Variants in COX7B2 observed in about 807,000 individuals in gnomAD.
COX7B2 encodes the protein cytochrome c oxidase subunit 7B2, mitochondrial.
For missense variants in COX7B2, 109 were observed against 95.9 expected, an observed-to-expected ratio of 1.14 and a Z score of -0.57; for synonymous variants, 37 against 32.1, an observed-to-expected ratio of 1.15 and a Z score of -0.51.
intron 2 of COX7B2, among the ~76,000 whole-genome samples, chr4:46,815,330 T>G (rs1440731909): frequency 1.3e-5 from 2 of 152,240 alleles, no homozygotes; most frequent in Non-Finnish European, 2.9e-5. Flanking sequence ...TGAACAAAAC[T>G]ATAGGTTCAA....
At chr4:46,795,141 T>C (rs1200145063) in intron 2 of COX7B2, among the ~76,000 whole-genome samples, 2 of 133,134 alleles carry the variant, frequency 1.5e-5, no homozygotes, top group Non-Finnish European at 3.1e-5. Flanking sequence ...TTCTCCCATG[T>C]TGTAGGTTGC....
At chr4:46,880,016 C>T (rs911827179) in intron 1 of COX7B2, among the ~76,000 whole-genome samples, 2 of 152,100 alleles carry the variant, frequency 1.3e-5, no homozygotes, top group Non-Finnish European at 2.9e-5. Context: ...TGAGAGAGGG[C>T]ATCCTTGCCT....
chr4:46,895,975 A>G (rs554724452), intron 1 of COX7B2, among the ~76,000 whole-genome samples: 8 of 152,300 alleles, frequency 5.3e-5, no homozygotes, highest in African/African-American at 1.9e-4. Context: ...CTTCTTGAGA[A>G]TAAGTAAATT....
Position 46,735,206 on chromosome 4 carries a change from T to C in COX7B2, c.-14A>G. ...GGGAAACATCATGAAGGATTGCAGT[T>C]GCCTTCAGCTACTGGTCTATTTTGT... On this transcript the variant is annotated 5_prime_UTR_variant, in exon 3 of 3. Coordinates refer to ENST00000355591, the MANE Select transcript of COX7B2 (RefSeq NM_130902.3). The C allele has an allele frequency of 6.2e-7, 1 of 1,612,682 alleles. No homozygotes were observed. Among genetic ancestry groups the C allele is most frequent in the East Asian group, 2.2e-5 (1 of 44,874 alleles).
intron 2 of COX7B2, among the ~76,000 whole-genome samples, chr4:46,745,946 T>TA (rs1435037947): frequency 1.4e-4 from 21 of 152,294 alleles, no homozygotes; most frequent in Admixed American, 1.4e-3. Context: ...AGGGCACCCC[T>TA]AAACTAAATT....
chr4:46,814,464 G>C (rs938829022), intron 2 of COX7B2, among the ~76,000 whole-genome samples: 1 of 152,150 alleles, frequency 6.6e-6, no homozygotes, highest in African/African-American at 2.4e-5. Flanking sequence ...ATTACTAACT[G>C]TATAGTCAAC....
intron 2 of COX7B2, among the ~76,000 whole-genome samples, chr4:46,766,618 C>T (rs916600951): frequency 1.3e-5 from 2 of 149,870 alleles, no homozygotes; most frequent in Non-Finnish European, 3.0e-5. Context: ...AGGAGAATCT[C>T]TTGACCCAGG....
At chr4:46,801,008 T>C (rs192301088) in intron 2 of COX7B2, among the ~76,000 whole-genome samples, 23 of 151,984 alleles carry the variant, frequency 1.5e-4, no homozygotes, top group African/African-American at 4.6e-4. Flanking sequence ...CAACTAATCA[T>C]CAAAGAAATA....
intron 2 of COX7B2, among the ~76,000 whole-genome samples, chr4:46,835,456 A>G (rs1172074797): frequency 2.0e-5 from 3 of 152,104 alleles, no homozygotes; most frequent in Non-Finnish European, 4.4e-5. Flanking sequence ...ACACACACAC[A>G]TGTTAATAAG....
intron 1 of COX7B2, among the ~76,000 whole-genome samples, chr4:46,867,731 T>C (rs917415152): frequency 1.5e-4 from 23 of 152,180 alleles, no homozygotes; most frequent in Admixed American, 4.6e-4. Context: ...GCCTACTTCA[T>C]CATGATGGAT....
chr4:46,752,466 G>A (rs1715446662), intron 2 of COX7B2, among the ~76,000 whole-genome samples: 1 of 152,118 alleles, frequency 6.6e-6, no homozygotes, highest in Admixed American at 6.6e-5. Context: ...TTGAATACGA[G>A]TGGTGAGAGA....
At chr4:46,827,298 A>T (rs1714763041) in intron 2 of COX7B2, among the ~76,000 whole-genome samples, 1 of 152,086 alleles carries the variant, frequency 6.6e-6, no homozygotes, top group African/African-American at 2.4e-5. Context: ...TACAAAGAAA[A>T]TCACAACCGA....
In COX7B2 at chr4:46,788,755, A is replaced by G. The variant is rs1016221629; in HGVS notation, c.-49-53514T>C. Among the ~76,000 whole-genome samples the G allele has an allele frequency of 2.0e-5, 3 of 152,222 alleles. No individual in the cohort carries two copies. In the East Asian group the frequency reaches 5.8e-4, roughly 29 times the overall value. ...TAATAGTAAACTCACATTGTTCCAGATTAATGAAATGCTATAGGAAAAAAA... is the reference window on the plus strand; with the variant it reads ...TAATAGTAAACTCACATTGTTCCAGGTTAATGAAATGCTATAGGAAAAAAA... On this transcript the variant is annotated intron_variant, in intron 2 of 2. Transcript: ENST00000355591.
intron 2 of COX7B2, among the ~76,000 whole-genome samples, chr4:46,805,119 A>G (rs1156640837): frequency 6.6e-6 from 1 of 152,116 alleles, no homozygotes; most frequent in East Asian, 1.9e-4. Flanking sequence ...CCCACCCAGA[A>G]CTCGCGCTGG....
intron 1 of COX7B2, among the ~76,000 whole-genome samples, chr4:46,880,924 C>A (rs1387568584): frequency 2.1e-5 from 3 of 141,434 alleles, no homozygotes; most frequent in Non-Finnish European, 1.5e-5. Flanking sequence ...AGCGCACCAG[C>A]ATGGCACATG....
intron 2 of COX7B2, among the ~76,000 whole-genome samples, chr4:46,741,885 C>T (rs1193141675): frequency 6.6e-6 from 1 of 152,070 alleles, no homozygotes; most frequent in Non-Finnish European, 1.5e-5. Flanking sequence ...AAAACAAATT[C>T]TCAGGAGAGT....
At chr4:46,844,703 C>G (rs1364781992) in intron 2 of COX7B2, among the ~76,000 whole-genome samples, 1 of 152,000 alleles carries the variant, frequency 6.6e-6, no homozygotes, top group Non-Finnish European at 1.5e-5. Context: ...TCAAGTTAGT[C>G]TATCAAGTAA....
At chr4:46,810,086 A>G (rs1577591578) in intron 2 of COX7B2, among the ~76,000 whole-genome samples, 2 of 151,962 alleles carry the variant, frequency 1.3e-5, no homozygotes, top group Non-Finnish European at 2.9e-5. Flanking sequence ...TTTGCATCTA[A>G]TATCTTCTTC....
intron 2 of COX7B2, among the ~76,000 whole-genome samples, chr4:46,782,065 G>A (rs1354224387): frequency 6.6e-6 from 1 of 152,174 alleles, no homozygotes; most frequent in Non-Finnish European, 1.5e-5. Context: ...CGGACTGGTG[G>A]GCAGCTCTGC....
Sources: allele counts gnomAD v4.1 joint callset (sites outside exome capture counted in the v4.1 genomes callset), GRCh38; gene constraint gnomAD v4.1.1; transcripts MANE v1.5; gene names NCBI Gene and HGNC (gene_info 2026-07-23, HGNC 2026-07-21).